SDK1: variants seen among roughly 807,000 people sequenced by gnomAD.
The protein encoded by SDK1 is protein sidekick-1.
SDK1 carries 157 observed loss-of-function variants against 245.5 expected under a neutral mutation model. The observed-to-expected ratio is 0.64, with a 90% CI of 0.56 to 0.73. SDK1 has a LOEUF of 0.73. Ranked by LOEUF, SDK1 falls within the 30% of genes least tolerant of loss-of-function variation. SDK1 has a pLI of 0.00. For missense variants in SDK1, 3,583 were observed against 3,002.3 expected (o/e 1.19, Z -4.52); for synonymous variants, 1,647 against 1,278.5 (o/e 1.29, Z -6.15).
intron 4 of SDK1, among the ~76,000 whole-genome samples, chr7:3,715,670 C>T (rs1019550835): frequency 6.6e-6 from 1 of 152,184 alleles, no homozygotes; most frequent in African/African-American, 2.4e-5. Flanking sequence ...CATCAGGCAA[C>T]TGCCATCTAA....
chr7:3,865,863 C>T (rs989845861), intron 5 of SDK1, among the ~76,000 whole-genome samples: 1 of 152,050 alleles, frequency 6.6e-6, no homozygotes, highest in African/African-American at 2.4e-5. Flanking sequence ...ATCACTAGCA[C>T]CAACATCTTT....
At chr7:3,392,022 A>G (rs905773493) in intron 1 of SDK1, among the ~76,000 whole-genome samples, 9 of 151,276 alleles carry the variant, frequency 5.9e-5, no homozygotes, top group Non-Finnish European at 8.8e-5. Context: ...AACAAAGACC[A>G]TACAAGGCTT....
intron 4 of SDK1, among the ~76,000 whole-genome samples, chr7:3,705,696 G>C (rs1784868030): frequency 1.3e-5 from 2 of 151,856 alleles, no homozygotes; most frequent in Non-Finnish European, 2.9e-5. Context: ...CATGGCATTG[G>C]CAGACAGCAA....
At chr7:4,058,519 A>G (rs1779334989) in intron 19 of SDK1, among the ~76,000 whole-genome samples, 1 of 152,176 alleles carries the variant, frequency 6.6e-6, no homozygotes, top group Admixed American at 6.5e-5. Context: ...ATAAATAGAT[A>G]CTATTCAGAA....
Position 4,233,381 on chromosome 7 carries a change from GCTA to G in SDK1, c.5956_5958del (p.Tyr1986del). On this transcript the variant is annotated inframe_deletion, in exon 41 of 45. Transcript: ENST00000404826. ...CGGGTGGTGGCTGTGAATGAGGCGG[GCTA>G]CGGGGAGCCCAGCAACCCCTCCACG... 1 of 1,613,490 alleles carries G rather than the reference GCTA, an allele frequency of 6.2e-7. No individual in the cohort carries two copies. The highest frequency in any genetic ancestry group is 8.5e-7 in the Non-Finnish European group (1 of 1,180,028).
intron 5 of SDK1, among the ~76,000 whole-genome samples, chr7:3,906,403 A>T (rs112149297): frequency 6.7e-6 from 1 of 149,140 alleles, no homozygotes; most frequent in Non-Finnish European, 1.5e-5. Flanking sequence ...TGTGTGTGAG[A>T]GAGAGAGAGA....
chr7:4,011,455 T>A (rs1461917410), intron 15 of SDK1, among the ~76,000 whole-genome samples: 1 of 152,164 alleles, frequency 6.6e-6, no homozygotes, highest in Non-Finnish European at 1.5e-5. Context: ...CACTGCCGGG[T>A]GGACGCTGAT....
chr7:3,788,199 C>T (rs1163226851), intron 4 of SDK1, among the ~76,000 whole-genome samples: 1 of 152,194 alleles, frequency 6.6e-6, no homozygotes, highest in African/African-American at 2.4e-5. Context: ...AGCAGTGTCC[C>T]CGCCTCTCAA....
At chr7:3,841,368 C>T (rs1375739332) in intron 5 of SDK1, among the ~76,000 whole-genome samples, 1 of 152,134 alleles carries the variant, frequency 6.6e-6, no homozygotes, top group Admixed American at 6.6e-5. Flanking sequence ...TCAGTGCAAG[C>T]CCCGTTGCAG....
intron 4 of SDK1, among the ~76,000 whole-genome samples, chr7:3,663,192 T>A (rs1315377690): frequency 6.6e-6 from 1 of 152,206 alleles, no homozygotes; most frequent in Non-Finnish European, 1.5e-5. Context: ...AGGCTCTGAC[T>A]CTTGTTTAAA....
In SDK1 at chr7:3,951,938, A is replaced by T. The variant is rs763677172; in HGVS notation, c.1150+18A>T. 6.9e-6 allele frequency: 11 copies of T among 1,604,980 alleles called. No individual in the cohort carries two copies. In the Admixed American group the frequency reaches 8.7e-5, roughly 13 times the overall value. On this transcript the variant is annotated intron_variant, in intron 7 of 44. Transcript: ENST00000404826. ...CATCATAGGTAATGCGGGAGCCTCT[A>T]AGTGGTGTTGCCAGCATCTCAGATA...
chr7:3,721,841 C>G (rs936734935), intron 4 of SDK1, among the ~76,000 whole-genome samples: 12 of 152,280 alleles, frequency 7.9e-5, no homozygotes, highest in African/African-American at 2.6e-4. Flanking sequence ...GGCATAACAA[C>G]TTCATGAACT....
chr7:4,245,936 G>A (rs918884176), intron 44 of SDK1, 131 bp downstream of exon 44: 3 of 1,128,020 alleles, frequency 2.7e-6, no homozygotes, highest in African/African-American at 3.1e-5. Context: ...AAGGACAAAG[G>A]GCTTCATTAT....
At chr7:3,472,125 T>G (rs759309197) in intron 1 of SDK1, among the ~76,000 whole-genome samples, 13 of 152,184 alleles carry the variant, frequency 8.5e-5, no homozygotes, top group Admixed American at 4.6e-4. Context: ...CACTGTGTTG[T>G]GGGTTGGTAA....
chr7:3,654,046 C>T (rs1046731249), intron 4 of SDK1, among the ~76,000 whole-genome samples: 3 of 152,106 alleles, frequency 2.0e-5, no homozygotes, highest in African/African-American at 7.2e-5. Context: ...TTCTGTGGCT[C>T]TCTGGCTGGC....
chr7:4,238,130 A>G (rs575981541), intron 42 of SDK1, among the ~76,000 whole-genome samples: 1 of 151,606 alleles, frequency 6.6e-6, no homozygotes, highest in South Asian at 2.1e-4. Flanking sequence ...CCCAGGTTGG[A>G]GTGCACTGGC....
intron 1 of SDK1, among the ~76,000 whole-genome samples, chr7:3,483,185 T>C (rs1781571567): frequency 1.3e-5 from 2 of 152,350 alleles, no homozygotes; most frequent in African/African-American, 2.4e-5. Context: ...TAGATTACTT[T>C]GTTAAAAACT....
At position 3,951,008 on chromosome 7, in the gene SDK1, C is replaced by G. The variant is rs1352739503; in HGVS notation, c.933C>G (p.Thr311=). Residue 311 remains threonine, a synonymous_variant, in exon 6 of 45, where the codon ACC becomes ACG. Transcript: ENST00000404826. ...NRSVVAGSSE[T]TLECIASARP... is the part of the protein sequence containing the mutation. ...GTGTGGTGGCTGGATCCAGTGAGAC[C>G]ACCTTGGAATGTATAGCCAGTGCCA... The G allele has an allele frequency of 1.9e-6, 3 of 1,613,820 alleles. No individual in the cohort carries two copies. The highest frequency in any genetic ancestry group is 2.5e-6 in the Non-Finnish European group (3 of 1,179,746).
intron 32 of SDK1, among the ~76,000 whole-genome samples, chr7:4,173,836 G>C (rs1321352509): frequency 1.3e-5 from 2 of 152,150 alleles, no homozygotes; most frequent in African/African-American, 2.4e-5. Flanking sequence ...TCAGCTGGTG[G>C]GTGCTTCAGA....
Sources: gnomAD v4.1 joint callset for allele counts (sites outside exome capture counted in the v4.1 genomes callset) on GRCh38, gnomAD v4.1.1 for gene constraint, MANE v1.5 for transcripts, NCBI Gene and HGNC (gene_info 2026-07-23, HGNC 2026-07-21) for gene names.